Variants in LPIN1 observed in about 807,000 individuals in gnomAD.
LPIN1 encodes the protein phosphatidate phosphatase LPIN1.
In LPIN1, 71 loss-of-function variants were observed where a neutral mutation model predicts 107.5. The ratio of observed to expected loss-of-function variants is 0.66; its 90% CI spans 0.55 to 0.80. The LOEUF (loss-of-function observed/expected upper bound fraction) is 0.80, where lower values mean the gene tolerates loss of function less well. Ranked by LOEUF, LPIN1 falls within the 30% of genes least tolerant of loss-of-function variation. The pLI is 0.00. For synonymous variants in LPIN1, 445 were observed against 452.6 expected (o/e 0.98, Z 0.21); for missense variants, 1,043 against 1,160.6 (o/e 0.90, Z 1.47).
chr2:11,682,024 G>T (rs571354596), intron 1 of LPIN1, among the ~76,000 whole-genome samples: 31 of 152,344 alleles, frequency 2.0e-4, no homozygotes, highest in Non-Finnish European at 4.1e-4. Context: ...TCCTGGGAGG[G>T]CTCTCGGGAG....
chr2:11,759,354 G>C (rs1291917710), intron 1 of LPIN1, among the ~76,000 whole-genome samples: 2 of 151,974 alleles, frequency 1.3e-5, no homozygotes, highest in East Asian at 3.9e-4. Flanking sequence ...TGTGTCCCTG[G>C]GTACTTGAGA....
Position 11,771,481 on chromosome 2 carries a change from C to G in LPIN1, c.398C>G (p.Pro133Arg). The G allele has an allele frequency of 6.2e-7, 1 of 1,614,216 alleles. No individual in the cohort carries two copies. Among genetic ancestry groups the G allele is most frequent in the Non-Finnish European group, 8.5e-7 (1 of 1,180,040 alleles). The change falls in exon 4 of 21, where the codon CCC becomes CGC. Residue 133 changes from proline (P) to arginine (R), a missense_variant. Physicochemically the swap from Pro to Arg is moderately radical, Grantham distance 103. Coordinates refer to ENST00000674199, the MANE Select transcript of LPIN1 (RefSeq NM_001349206.2). The surrounding 1 kb of genome is among the most constrained non-coding windows in gnomAD (Gnocchi z 4.8). ...GSVDRMRGLD[P>R]STPAQVIAPS... is the part of the protein sequence containing the mutation. ...GTGGACAGGATGAGAGGCCTGGACC[C>G]CAGCACGCCAGCCCAAGTGATCGCT...
intron 1 of LPIN1, among the ~76,000 whole-genome samples, chr2:11,711,303 C>T (rs1408130499): frequency 6.6e-6 from 1 of 152,122 alleles, no homozygotes; most frequent in African/African-American, 2.4e-5. Context: ...AACTGGATTC[C>T]AAGAAGTGTT....
In LPIN1 at chr2:11,815,199, C is replaced by A. The variant is rs556968717; in HGVS notation, c.2361C>A (p.Pro787=). The part of the protein sequence containing the change: ...NERGTVLPQG[P]LLLSPSSLFS... ...GGGGCACGGTGCTGCCCCAGGGGCC[C>A]CTGCTGCTGAGTCCCAGCAGCCTCT... The change falls in exon 18 of 21, where the codon CCC becomes CCA. Residue 787 remains proline, a synonymous_variant. Transcript: ENST00000674199. The A allele has an allele frequency of 9.9e-6, 16 of 1,614,074 alleles. No individual in the cohort carries two copies. In the South Asian group the frequency reaches 1.8e-4, roughly 18 times the overall value.
At chr2:11,761,269 T>A (rs148602810) in intron 1 of LPIN1, among the ~76,000 whole-genome samples, 380 of 152,366 alleles carry the variant, frequency 2.5e-3, no homozygotes, top group African/African-American at 8.8e-3. Context: ...TCATTTCTTA[T>A]ATTGTACATC....
At chr2:11,768,165 T>A (rs1671239195) in intron 3 of LPIN1, among the ~76,000 whole-genome samples, 1 of 152,212 alleles carries the variant, frequency 6.6e-6, no homozygotes. Flanking sequence ...CATCGGTGTG[T>A]CAAATCTCAA....
At chr2:11,699,199 C>G (rs1271610441) in intron 1 of LPIN1, among the ~76,000 whole-genome samples, 3 of 152,200 alleles carry the variant, frequency 2.0e-5, no homozygotes, top group African/African-American at 7.2e-5. Context: ...ATGGGACACT[C>G]CTGCTATAAA....
chr2:11,767,699 C>A, intron 2 of LPIN1, 64 bp from the exon 3 acceptor site: 1 of 1,012,376 alleles, frequency 9.9e-7, no homozygotes, highest in Non-Finnish European at 1.6e-6. Flanking sequence ...CTTGGCCGTC[C>A]CCATGAGGTC....
chr2:11,810,509 C>G (rs1679470190), intron 17 of LPIN1, among the ~76,000 whole-genome samples: 1 of 152,180 alleles, frequency 6.6e-6, no homozygotes, highest in African/African-American at 2.4e-5. Flanking sequence ...TGCAGAGCGC[C>G]TGGGAGGCAA....
In LPIN1 at chr2:11,677,645, G is replaced by C. The variant is rs1426649057; in HGVS notation, c.-3G>C. ...AGGCAGACAGCACCATACAGGGCGGGCCATGGGGGAACAGGACGGCATTCG... is the reference window on the plus strand; with the variant it reads ...AGGCAGACAGCACCATACAGGGCGGCCCATGGGGGAACAGGACGGCATTCG... On this transcript the variant is annotated 5_prime_UTR_variant, in exon 1 of 22. Coordinates refer to the LPIN1 transcript ENST00000449576. The C allele has an allele frequency of 2.6e-6, 4 of 1,534,950 alleles. No individual in the cohort carries two copies. The East Asian group carries it at 9.8e-5, about 38-fold the overall frequency.
At chr2:11,750,744 A>T (rs1432952258) in intron 1 of LPIN1, among the ~76,000 whole-genome samples, 2 of 152,202 alleles carry the variant, frequency 1.3e-5, no homozygotes, top group African/African-American at 2.4e-5. Context: ...TGGAAGGTGG[A>T]GGCAGGATTT....
chr2:11,783,619 C>G (rs1673945551), intron 8 of LPIN1, among the ~76,000 whole-genome samples: 1 of 152,188 alleles, frequency 6.6e-6, no homozygotes, highest in Non-Finnish European at 1.5e-5. Context: ...GGTACTGTGC[C>G]CAAACCTCAA....
chr2:11,812,746 G>A lies in LPIN1; in HGVS notation c.2250-2342G>A, dbSNP rs1030892. On this transcript the variant is annotated intron_variant, in intron 17 of 20. Transcript: ENST00000674199. ...TGAAGGGTTTGGACGACGTCTGTGAGAGGTTGCAGCCTCAGGAGGGCTCTG... is the reference window on the plus strand; with the variant it reads ...TGAAGGGTTTGGACGACGTCTGTGAAAGGTTGCAGCCTCAGGAGGGCTCTG... Among the ~76,000 whole-genome samples the A allele has an allele frequency of 4.2e-3, 637 of 152,294 alleles. 3 individuals carry two copies. The highest frequency in any genetic ancestry group is 0.014 in the African/African-American group (602 of 41,566).
rs766575992 is a variant in LPIN1, at chr2:11,677,628, A to C, written c.-20A>C. 1.7e-5 allele frequency: 26 copies of C among 1,522,050 alleles called. 1 individual carries two copies. In the South Asian group the frequency reaches 3.0e-4, roughly 17 times the overall value. 94.3% of individuals were successfully genotyped at this position (1,522,050 alleles called of 1,614,324 possible). ...CCTGATGCTGGGTGAGGAGGCAGAC[A>C]GCACCATACAGGGCGGGCCATGGGG... On this transcript the variant is annotated 5_prime_UTR_variant, in exon 1 of 22. Coordinates refer to the LPIN1 transcript ENST00000449576.
intron 1 of LPIN1, among the ~76,000 whole-genome samples, chr2:11,680,875 C>T (rs557687639): frequency 2.0e-5 from 3 of 152,266 alleles, no homozygotes; most frequent in African/African-American, 4.8e-5. Flanking sequence ...TCGGGGGCCA[C>T]GAGGCCTGGA....
chr2:11,708,975 G>A (rs1197179977), intron 1 of LPIN1, among the ~76,000 whole-genome samples: 1 of 152,078 alleles, frequency 6.6e-6, no homozygotes, highest in Non-Finnish European at 1.5e-5. Context: ...AGGGGAAATG[G>A]AGGCTCAGGA....
At chr2:11,762,480 T>C (rs878951403) in intron 1 of LPIN1, among the ~76,000 whole-genome samples, 2 of 152,186 alleles carry the variant, frequency 1.3e-5, no homozygotes, top group Admixed American at 1.3e-4. Flanking sequence ...CAACTCTCAT[T>C]ACAGATTTGT....
At chr2:11,732,736 G>A (rs1558766750) in intron 1 of LPIN1, among the ~76,000 whole-genome samples, 1 of 152,072 alleles carries the variant, frequency 6.6e-6, no homozygotes, top group Non-Finnish European at 1.5e-5. Context: ...ATTACACTGT[G>A]GTGAAATATG....
At position 11,774,300 on chromosome 2, in the gene LPIN1, A is replaced by G. The variant is rs1003706546; in HGVS notation, c.722+555A>G. 6.6e-6 allele frequency among the ~76,000 whole-genome samples: 1 copy of G among 152,160 alleles called. No homozygotes were observed. The highest frequency in any genetic ancestry group is 2.4e-5 in the African/African-American group (1 of 41,454). ...GTTTACATCAGTGAAACCTCTGGGA[A>G]TAGTGAGCCCCCTGGCTAGTTTTCA... On this transcript the variant is annotated intron_variant, in intron 5 of 20. Transcript: ENST00000674199. The surrounding 1 kb of genome is among the most constrained non-coding windows in gnomAD (Gnocchi z 4.4).
Sources: allele counts gnomAD v4.1 joint callset (sites outside exome capture counted in the v4.1 genomes callset), GRCh38; gene constraint gnomAD v4.1.1; non-coding constraint Gnocchi (gnomAD v3.1); transcripts MANE v1.5; gene names NCBI Gene and HGNC (gene_info 2026-07-23, HGNC 2026-07-21).